Variants in ZNF225 observed in about 807,000 individuals in gnomAD.
The protein encoded by ZNF225 is zinc finger protein 225.
In ZNF225, 6 loss-of-function variants were observed where a neutral mutation model predicts 12.0. That is an observed-to-expected ratio of 0.50 (90% CI 0.27 to 0.98). The LOEUF is 0.98. ZNF225 is among the 50% of genes least tolerant of loss of function. ZNF225 has a pLI of 0.11. For missense variants in ZNF225, 763 were observed against 848.2 expected, an observed-to-expected ratio of 0.90 and a Z score of 1.25; for synonymous variants, 271 against 283.2, an observed-to-expected ratio of 0.96 and a Z score of 0.43.
At chr19:44,128,517 C>T (rs1424800415) in intron 4 of ZNF225, 1 of 152,246 alleles carries the variant, frequency 6.6e-6, no homozygotes, top group East Asian at 1.9e-4. Flanking sequence ...TAGGTACACA[C>T]TTACTTACTA....
At chr19:44,128,319 G>A (rs1181077143) in intron 4 of ZNF225, 1 of 152,142 alleles carries the variant, frequency 6.6e-6, no homozygotes, top group Non-Finnish European at 1.5e-5. Flanking sequence ...ATTTCGTACA[G>A]TCTTCCTTTT....
chr19:44,113,606 A>G (rs1433728824), intron 1 of ZNF225, 37 bp downstream of exon 1: 3 of 152,150 alleles, frequency 2.0e-5, no homozygotes, highest in African/African-American at 7.2e-5. Flanking sequence ...CGTTCTCGTC[A>G]GTGGAGCCTT....
Position 44,118,280 on chromosome 19 carries a change from G to T in ZNF225, c.108G>T (p.Val36=). 6.2e-7 allele frequency: 1 copy of T among 1,613,350 alleles called. No individual in the cohort carries two copies. Among genetic ancestry groups the T allele is most frequent in the Non-Finnish European group, 8.5e-7 (1 of 1,179,702 alleles). ...DLAQRKLYRE[V]MLENFRNLLS... ...CCCAGAGGAAACTGTACCGAGAAGT[G>T]ATGCTGGAGAACTTCAGGAACCTGC... The change falls in exon 3 of 5, where the codon GTG becomes GTT. Residue 36 remains valine (V), a synonymous_variant. Transcript: ENST00000262894.
intron 4 of ZNF225, chr19:44,128,957 C>T (rs1341073722): frequency 1.3e-6 from 1 of 782,290 alleles, no homozygotes; most frequent in Non-Finnish European, 1.7e-6. Flanking sequence ...AGGGCATGAC[C>T]CCTTAGGCGT....
chr19:44,122,674 C>T (rs1968077377), intron 4 of ZNF225, among the ~76,000 whole-genome samples: 1 of 152,094 alleles, frequency 6.6e-6, no homozygotes, highest in Admixed American at 6.6e-5. Flanking sequence ...TGATTTCTTT[C>T]AGCAGCATTC....
intron 4 of ZNF225, among the ~76,000 whole-genome samples, chr19:44,119,645 C>T (rs986165507): frequency 1.3e-5 from 2 of 152,182 alleles, no homozygotes; most frequent in African/African-American, 2.4e-5. Context: ...TTCACAATGA[C>T]CTCTCTTTCT....
chr19:44,130,700 CAA>C (rs775988972), intron 4 of ZNF225, 148 bp from the exon 5 acceptor site: 2,856 of 167,556 alleles, frequency 0.017, no homozygotes, highest in East Asian at 0.052. Context: ...GACTCCATCT[CAA>C]AAAAAAAAAA....
In ZNF225 at chr19:44,131,112, T is replaced by C. The variant is rs1444534396; in HGVS notation, c.498T>C (p.His166=). 6.2e-7 allele frequency: 1 copy of C among 1,614,048 alleles called. No individual in the cohort carries two copies. Among genetic ancestry groups the C allele is most frequent in the East Asian group, 2.2e-5 (1 of 44,892 alleles). The change falls in exon 5 of 5, where the codon CAT becomes CAC. Residue 166 remains histidine (H), a synonymous_variant. Coordinates refer to ENST00000262894, the MANE Select transcript of ZNF225 (RefSeq NM_013362.4). ...GTGATGTCTCCGTCCTTGATCTTCA[T>C]CAACAACTACAGTCAAGAGAGAAGT... ...SFSDVSVLDL[H]QQLQSREKSH...
At chr19:44,118,966 G>T (rs1008857334) in intron 4 of ZNF225, among the ~76,000 whole-genome samples, 1 of 152,100 alleles carries the variant, frequency 6.6e-6, no homozygotes, top group African/African-American at 2.4e-5. Context: ...ACAGATGCCC[G>T]CCACCACGCC....
intron 4 of ZNF225, 174 bp from the exon 5 acceptor site, chr19:44,130,676 G>C: frequency 5.3e-6 from 2 of 380,514 alleles, no homozygotes; most frequent in Non-Finnish European, 9.3e-6. Flanking sequence ...ACTCCAGCCT[G>C]GGGGACAGAG....
upstream of ZNF225, among the ~76,000 whole-genome samples, chr19:44,112,641 G>A (rs1409729667): frequency 6.6e-6 from 1 of 152,178 alleles, no homozygotes; most frequent in East Asian, 1.9e-4. Context: ...ATGTTAATAT[G>A]AGTATGTAAA....
intron 4 of ZNF225, among the ~76,000 whole-genome samples, chr19:44,118,974 G>A (rs988591787): frequency 5.3e-5 from 8 of 151,926 alleles, no homozygotes; most frequent in African/African-American, 1.2e-4. Context: ...CCGCCACCAC[G>A]CCCGGCTAAT....
chr19:44,132,193 C>G lies in ZNF225; in HGVS notation c.1579C>G (p.Leu527Val), dbSNP rs1276770522. ...CGKRFTQNSQ[L>V]YSHRRVHTGV... ...GAAAAGATTTACTCAGAATTCACAA[C>G]TTTATTCTCATCGCAGAGTCCACAC... is the stretch of plus-strand genomic sequence containing the variant. The change falls in exon 5 of 5, where the codon CTT becomes GTT. Residue 527 changes from leucine to valine, a missense_variant. Leu to Val is a conservative substitution (Grantham distance 32, BLOSUM62 1). Transcript: ENST00000262894. 8.7e-6 allele frequency: 14 copies of G among 1,614,068 alleles called. No individual in the cohort carries two copies. The highest frequency in any genetic ancestry group is 1.2e-5 in the Non-Finnish European group (14 of 1,180,014).
chr19:44,130,849 G>A lies in ZNF225; in HGVS notation c.236-1G>A. ...CATCTCTTAATTCTGTGTCATTATA[G>A]GAGGCAAGATCCAAATGGAGATGGA... On this transcript the variant is annotated splice_acceptor_variant, in intron 4 of 4. Transcript: ENST00000262894. LOFTEE classifies it high-confidence loss of function. 3 of 1,605,164 alleles carry A rather than the reference G, an allele frequency of 1.9e-6. No individual in the cohort carries two copies. The highest frequency in any genetic ancestry group is 2.6e-6 in the Non-Finnish European group (3 of 1,175,776).
chr19:44,120,556 C>G (rs1599675364), intron 4 of ZNF225, among the ~76,000 whole-genome samples: 1 of 152,144 alleles, frequency 6.6e-6, no homozygotes, highest in Non-Finnish European at 1.5e-5. Context: ...TGATGGCTGC[C>G]TATCTAATTA....
chr19:44,116,621 A>G (rs1176624003), intron 2 of ZNF225, among the ~76,000 whole-genome samples: 4 of 152,254 alleles, frequency 2.6e-5, no homozygotes, highest in Non-Finnish European at 5.9e-5. Flanking sequence ...CAGAATAGAA[A>G]AAGAAAATCC....
At chr19:44,112,332 T>C (rs1162345030), upstream of ZNF225, 1 of 152,216 alleles carries the variant, frequency 6.6e-6, no homozygotes, top group Non-Finnish European at 1.5e-5. Flanking sequence ...TTTTACAGGC[T>C]GCTCTTCCTT....
At chr19:44,115,227 CT>C (rs1465183877) in intron 1 of ZNF225, among the ~76,000 whole-genome samples, 1 of 152,126 alleles carries the variant, frequency 6.6e-6, no homozygotes, top group East Asian at 1.9e-4. Flanking sequence ...ATCATAGAAA[CT>C]ACCCATTTCG....
At position 44,130,899 on chromosome 19, in the gene ZNF225, T is replaced by C. The variant is rs778312918; in HGVS notation, c.285T>C (p.His95=). The C allele has an allele frequency of 6.8e-6, 11 of 1,613,874 alleles. No homozygotes were observed. In the Admixed American group the frequency reaches 1.7e-4, roughly 24 times the overall value. ...AGACTGTTTCAGAATCAGGAACACATGAAGGCTTGTTCAGTCATCAAACCT... is the reference window on the plus strand; with the variant it reads ...AGACTGTTTCAGAATCAGGAACACACGAAGGCTTGTTCAGTCATCAAACCT... ...EMETVSESGT[H]EGLFSHQTWE... is the part of the protein sequence containing the mutation. Residue 95 remains histidine (H), a synonymous_variant, in exon 5 of 5, where the codon CAT becomes CAC. Transcript: ENST00000262894.
Sources: allele counts gnomAD v4.1 joint callset (sites outside exome capture counted in the v4.1 genomes callset), GRCh38; gene constraint gnomAD v4.1.1; transcripts MANE v1.5; gene names NCBI Gene and HGNC (gene_info 2026-07-23, HGNC 2026-07-21).